Variants in CRLF3 observed in about 807,000 individuals in gnomAD.
The protein encoded by CRLF3 is cytokine receptor-like factor 3.
CRLF3 carries 33 observed loss-of-function variants against 55.0 expected under a neutral mutation model. That is an observed-to-expected ratio of 0.60 (90% confidence interval 0.46 to 0.80). CRLF3 has a LOEUF of 0.80. Among genes scored for constraint, CRLF3 ranks in the 30% least tolerant of loss-of-function variants. The pLI is 0.00. For synonymous variants in CRLF3, 238 were observed against 196.8 expected, an observed-to-expected ratio of 1.21 and a Z score of -1.75; for missense variants, 494 against 538.4, an observed-to-expected ratio of 0.92 and a Z score of 0.82.
At position 30,783,958 on chromosome 17, in the gene CRLF3, T is replaced by C. The variant is rs1971568579; in HGVS notation, c.*229A>G. ...TTTAATGCCAATTTGATTTTTATTG[T>C]GATGTGATATTTAACAGTATGCTAA... is the stretch of plus-strand genomic sequence containing the variant. On this transcript the variant is annotated 3_prime_UTR_variant, in exon 8 of 8. Transcript: ENST00000324238. 2.2e-6 allele frequency: 1 copy of C among 459,674 alleles called. No individual in the cohort carries two copies. Among genetic ancestry groups the C allele is most frequent in the Non-Finnish European group, 3.8e-6 (1 of 261,188 alleles). The allele number at this position is 459,674 out of a possible 1,614,324, so 28.5% of individuals were successfully genotyped here. A position where few individuals can be genotyped will look rare whatever the true frequency, so the allele number is the denominator to read the frequency against.
At chr17:30,813,671 T>A (rs1904693858) in intron 1 of CRLF3, among the ~76,000 whole-genome samples, 1 of 152,128 alleles carries the variant, frequency 6.6e-6, no homozygotes, top group Non-Finnish European at 1.5e-5. Flanking sequence ...GTTACATATG[T>A]ATACATCTGC....
intron 6 of CRLF3, 113 bp downstream of exon 6, chr17:30,792,327 C>A (rs1474004352): frequency 3.1e-6 from 3 of 966,976 alleles, no homozygotes; most frequent in Non-Finnish European, 3.1e-6. Flanking sequence ...CACAGTAACA[C>A]TGCCTATAAA....
chr17:30,809,090 TAA>T (rs1904528645), intron 1 of CRLF3, among the ~76,000 whole-genome samples: 2 of 152,304 alleles, frequency 1.3e-5, no homozygotes, highest in African/African-American at 2.4e-5. Context: ...ATTGGTTAGG[TAA>T]AGTCAATTTC....
At chr17:30,823,704 G>A (rs999759636) in intron 1 of CRLF3, among the ~76,000 whole-genome samples, 1 of 152,060 alleles carries the variant, frequency 6.6e-6, no homozygotes, top group Non-Finnish European at 1.5e-5. Flanking sequence ...AGGGTATAGA[G>A]AAACCATATG....
rs1212391441 is a variant in CRLF3 at position 30,783,273 on chromosome 17, AC to A, written c.*913del. On this transcript the variant is annotated 3_prime_UTR_variant, in exon 8 of 8. Transcript: ENST00000324238. ...TACTGTATCAAATTGCAATGAAAGA[AC>A]AAAAGGTACTACTTGCCTATTTTAG... The A allele has an allele frequency of 6.6e-6, 1 of 152,240 alleles. No homozygotes were observed. Among genetic ancestry groups the A allele is most frequent in the African/African-American group, 2.4e-5 (1 of 41,460 alleles). 9.4% of individuals were successfully genotyped at this position (152,240 alleles called of 1,614,324 possible). A position where few individuals can be genotyped will look rare whatever the true frequency, so the allele number is the denominator to read the frequency against.
In CRLF3 at chr17:30,803,892, G is replaced by A. The variant is rs758180590; in HGVS notation, c.337+9C>T. The A allele has an allele frequency of 8.7e-6, 14 of 1,602,100 alleles. No individual in the cohort carries two copies. In the East Asian group the frequency reaches 2.5e-4, roughly 28 times the overall value. On this transcript the variant is annotated intron_variant, in intron 2 of 7. Coordinates refer to ENST00000324238, the MANE Select transcript of CRLF3 (RefSeq NM_015986.4). Reference sequence around the variant, plus strand: ...ATGCACTAATACAACAGGCTCCCTGGTCCCCCACCTTCTCGGACTAAGTCC... The same window carrying A: ...ATGCACTAATACAACAGGCTCCCTGATCCCCCACCTTCTCGGACTAAGTCC...
At position 30,784,070 on chromosome 17, in the gene CRLF3, C is replaced by A; in HGVS notation, c.*117G>T. 1 of 891,566 alleles carries A rather than the reference C, an allele frequency of 1.1e-6. No individual in the cohort carries two copies. The highest frequency in any genetic ancestry group is 1.7e-6 in the Non-Finnish European group (1 of 584,978). 55.2% of individuals were successfully genotyped at this position (891,566 alleles called of 1,614,324 possible). On this transcript the variant is annotated 3_prime_UTR_variant, in exon 8 of 8. Coordinates refer to ENST00000324238, the MANE Select transcript of CRLF3 (RefSeq NM_015986.4). ...TATTACAAAATGAATCCAGTAAACA[C>A]TTTCCAATGGCCTAAGTTAGAGATG...
chr17:30,795,461 A>T (rs542170110), intron 4 of CRLF3, among the ~76,000 whole-genome samples: 1 of 149,116 alleles, frequency 6.7e-6, no homozygotes, highest in South Asian at 2.1e-4. Flanking sequence ...GTGCCATTGT[A>T]TTCCAGCCTG....
At chr17:30,820,760 A>G (rs1319159884) in intron 1 of CRLF3, among the ~76,000 whole-genome samples, 1 of 146,122 alleles carries the variant, frequency 6.8e-6, no homozygotes, top group Non-Finnish European at 1.5e-5. Context: ...AGTGAGCTGA[A>G]GGTTGCAATG....
chr17:30,821,581 A>C (rs749285608), intron 1 of CRLF3, among the ~76,000 whole-genome samples: 18 of 152,238 alleles, frequency 1.2e-4, no homozygotes, highest in Non-Finnish European at 1.9e-4. Flanking sequence ...ATATCCACAT[A>C]ACAATTATTC....
intron 1 of CRLF3, among the ~76,000 whole-genome samples, chr17:30,816,789 C>T (rs1904819810): frequency 6.7e-6 from 1 of 148,442 alleles, no homozygotes; most frequent in East Asian, 2.0e-4. Context: ...ATGCCTACTG[C>T]ACCTTTTCTA....
In CRLF3 at chr17:30,784,016, C is replaced by T; in HGVS notation, c.*171G>A. The T allele has an allele frequency of 1.7e-6, 1 of 572,230 alleles. No homozygotes were observed. The highest frequency in any genetic ancestry group is 3.1e-6 in the Non-Finnish European group (1 of 327,108). The allele number at this position is 572,230 out of a possible 1,614,324, so 35.4% of individuals were successfully genotyped here. On this transcript the variant is annotated 3_prime_UTR_variant, in exon 8 of 8. Coordinates refer to ENST00000324238, the MANE Select transcript of CRLF3 (RefSeq NM_015986.4). Reference sequence around the variant, plus strand: ...ATTGACTGAATTGTATGATTTTGTCCACAACATTGAAGTCTCTTTTTGCTA... The same window carrying T: ...ATTGACTGAATTGTATGATTTTGTCTACAACATTGAAGTCTCTTTTTGCTA...
intron 2 of CRLF3, among the ~76,000 whole-genome samples, chr17:30,801,815 A>T (rs1356545564): frequency 4.0e-5 from 6 of 149,762 alleles, no homozygotes; most frequent in Non-Finnish European, 7.4e-5. Context: ...TTTTTTTTTT[A>T]AATGCACATC....
intron 1 of CRLF3, among the ~76,000 whole-genome samples, chr17:30,817,447 G>C (rs116090909): frequency 0.03 from 4,503 of 151,218 alleles, 222 homozygotes; most frequent in African/African-American, 0.1. Context: ...AAAAAAAAAA[G>C]CTTTGCATGG....
At chr17:30,794,313 G>T (rs1175494694) in intron 4 of CRLF3, among the ~76,000 whole-genome samples, 3 of 152,030 alleles carry the variant, frequency 2.0e-5, no homozygotes, top group African/African-American at 7.2e-5. Context: ...TTAACATACA[G>T]TATACAGAAC....
chr17:30,809,203 A>C (rs1009787596), intron 1 of CRLF3, among the ~76,000 whole-genome samples: 8 of 152,212 alleles, frequency 5.3e-5, no homozygotes, highest in African/African-American at 1.9e-4. Flanking sequence ...AACACAAAAC[A>C]GACAGAGGGC....
At chr17:30,818,213 T>C (rs940439773) in intron 1 of CRLF3, among the ~76,000 whole-genome samples, 10 of 151,894 alleles carry the variant, frequency 6.6e-5, no homozygotes, top group African/African-American at 2.4e-5. Flanking sequence ...TGAGCCAAGA[T>C]TGAGCCATTG....
chr17:30,796,330 C>A lies in CRLF3; in HGVS notation c.433G>T (p.Glu145Ter), dbSNP rs1197947930. 1 of 1,612,168 alleles carries A rather than the reference C, an allele frequency of 6.2e-7. No individual in the cohort carries two copies. The highest frequency in any genetic ancestry group is 8.5e-7 in the Non-Finnish European group (1 of 1,179,080). The change falls in exon 4 of 8, where the codon GAA becomes TAA. Residue 145 changes from glutamate to a stop codon, truncating the protein, a stop_gained. Transcript: ENST00000324238. LOFTEE classifies it high-confidence loss of function. Reference protein sequence around the residue: ...ASHIQLDSLPEVPLLVDVPCL... With the variant: ...ASHIQLDSLP ...GGCACATCAACCAGTAAAGGTACTT[C>A]TGGTAAGCTGAGGAAACAAAGCTCA... is the stretch of plus-strand genomic sequence containing the variant.
At chr17:30,814,878 G>A (rs1276248301) in intron 1 of CRLF3, among the ~76,000 whole-genome samples, 1 of 151,440 alleles carries the variant, frequency 6.6e-6, no homozygotes, top group East Asian at 2.0e-4. Flanking sequence ...GCACATGCTT[G>A]TAATGCCAGC....
Sources: gnomAD v4.1 joint callset for allele counts (sites outside exome capture counted in the v4.1 genomes callset) on GRCh38, gnomAD v4.1.1 for gene constraint, MANE v1.5 for transcripts, NCBI Gene and HGNC (gene_info 2026-07-23, HGNC 2026-07-21) for gene names.